The following PAIP2 variants were observed in gnomAD, a reference collection of about 807,000 sequenced individuals.
The protein encoded by PAIP2 is polyadenylate-binding protein-interacting protein 2.
A neutral mutation model predicts 14.8 loss-of-function variants in PAIP2; 7 were observed. The observed-to-expected ratio is 0.47, with a 90% CI of 0.27 to 0.89. PAIP2 has a LOEUF of 0.89. Among genes scored for constraint, PAIP2 ranks in the 40% least tolerant of loss-of-function variants. The pLI, the probability that PAIP2 is intolerant of heterozygous loss-of-function variation, is 0.13. For synonymous variants in PAIP2, 47 were observed against 45.3 expected, an observed-to-expected ratio of 1.04 and a Z score of -0.15; for missense variants, 122 against 154.7, an observed-to-expected ratio of 0.79 and a Z score of 1.12.
intron 3 of PAIP2, among the ~76,000 whole-genome samples, chr5:139,365,773 C>T (rs966288623): frequency 6.6e-6 from 1 of 152,200 alleles, no homozygotes; most frequent in African/African-American, 2.4e-5. Context: ...AGACGGACTT[C>T]TAGCCCCTGC....
intron 1 of PAIP2, among the ~76,000 whole-genome samples, chr5:139,345,747 C>T (rs1020061584): frequency 1.3e-5 from 2 of 151,746 alleles, no homozygotes; most frequent in Non-Finnish European, 2.9e-5. Flanking sequence ...CTTGCCTCAG[C>T]CTCCTGAGTA....
chr5:139,351,594 A>G (rs911280028), intron 1 of PAIP2, among the ~76,000 whole-genome samples: 3 of 152,222 alleles, frequency 2.0e-5, no homozygotes, highest in African/African-American at 7.2e-5. Flanking sequence ...ATAGGATCGG[A>G]GAGGGAAAAA....
chr5:139,345,064 G>A (rs992462764), intron 1 of PAIP2, among the ~76,000 whole-genome samples: 1 of 151,834 alleles, frequency 6.6e-6, no homozygotes, highest in African/African-American at 2.4e-5. Context: ...TGTTGTTTTT[G>A]AAACGGAGTC....
intron 3 of PAIP2, among the ~76,000 whole-genome samples, chr5:139,366,044 A>G (rs1460682599): frequency 6.6e-6 from 1 of 151,962 alleles, no homozygotes; most frequent in East Asian, 1.9e-4. Context: ...TACTAAAAGT[A>G]TACAGAAAAT....
chr5:139,362,700 G>A (rs1253286900), intron 1 of PAIP2, among the ~76,000 whole-genome samples: 3 of 151,566 alleles, frequency 2.0e-5, no homozygotes, highest in African/African-American at 7.3e-5. Context: ...ATGAGCCACC[G>A]CGCCTGGCCT....
At chr5:139,359,160 A>G (rs1452572119) in intron 1 of PAIP2, among the ~76,000 whole-genome samples, 1 of 151,694 alleles carries the variant, frequency 6.6e-6, no homozygotes, top group Non-Finnish European at 1.5e-5. Flanking sequence ...TTTGAGACAG[A>G]GTCTTACTCT....
In PAIP2 at chr5:139,368,872, T is replaced by G. The variant is rs1393717022; in HGVS notation, c.*74T>G. 9.0e-7 allele frequency: 1 copy of G among 1,112,650 alleles called. No individual in the cohort carries two copies. Among genetic ancestry groups the G allele is most frequent in the East Asian group, 2.4e-5 (1 of 42,308 alleles). 68.9% of individuals were successfully genotyped at this position (1,112,650 alleles called of 1,614,324 possible). The stretch of plus-strand genomic sequence containing the variant: ...AAGGCAGTATTAGAAGACTTAATTG[T>G]AAAAGCTCTCTTGTCACTGTGTTAC... On this transcript the variant is annotated 3_prime_UTR_variant, in exon 4 of 4. Transcript: ENST00000265192.
chr5:139,360,094 G>A (rs1382921368), intron 1 of PAIP2, among the ~76,000 whole-genome samples: 1 of 151,794 alleles, frequency 6.6e-6, no homozygotes, highest in African/African-American at 2.4e-5. Context: ...GGCCTCCCAA[G>A]TAGCTGGGAC....
chr5:139,363,632 G>A, intron 1 of PAIP2, 127 bp from the exon 2 acceptor site: 1 of 718,238 alleles, frequency 1.4e-6, no homozygotes, highest in Admixed American at 3.1e-5. Flanking sequence ...TGAGGCAAGA[G>A]ATCGAGGCTG....
chr5:139,360,214 C>T (rs1469565782), intron 1 of PAIP2, among the ~76,000 whole-genome samples: 1 of 152,052 alleles, frequency 6.6e-6, no homozygotes, highest in Non-Finnish European at 1.5e-5. Context: ...ATCTGCCCGC[C>T]TTGGCCTCCC....
intron 1 of PAIP2, among the ~76,000 whole-genome samples, chr5:139,352,985 G>T (rs1756793557): frequency 6.6e-6 from 1 of 151,812 alleles, no homozygotes. Flanking sequence ...GCGTGGTGGA[G>T]CATGCCTGTA....
intron 1 of PAIP2, among the ~76,000 whole-genome samples, chr5:139,362,214 T>TTTG (rs138469979): frequency 1.2e-3 from 176 of 151,804 alleles, no homozygotes; most frequent in African/African-American, 3.3e-3. Flanking sequence ...GTGTTTGGTT[T>TTTG]TTGTTGTTGT....
At chr5:139,360,211 C>T (rs951399428) in intron 1 of PAIP2, among the ~76,000 whole-genome samples, 17 of 151,980 alleles carry the variant, frequency 1.1e-4, no homozygotes, top group South Asian at 4.1e-4. Flanking sequence ...GTGATCTGCC[C>T]GCCTTGGCCT....
chr5:139,346,223 G>A (rs137900745), intron 1 of PAIP2, among the ~76,000 whole-genome samples: 2 of 152,208 alleles, frequency 1.3e-5, no homozygotes, highest in East Asian at 1.9e-4. Flanking sequence ...TTAAGCTGTC[G>A]TCTAGAACAG....
rs1554158330 is a variant in PAIP2, at chr5:139,369,499, C to CACT, written c.*702_*703insCTA. ...ATCCAGCTGAACAAAGATACTGTAA[C>CACT]ATGATTTGAGTGGTGCTTTTCCTTG... On this transcript the variant is annotated 3_prime_UTR_variant, in exon 4 of 4. Transcript: ENST00000265192. The CACT allele has an allele frequency of 6.6e-6, 1 of 152,600 alleles. No individual in the cohort carries two copies. The highest frequency in any genetic ancestry group is 2.4e-5 in the African/African-American group (1 of 41,430). The allele number at this position is 152,600 out of a possible 1,614,324, so 9.5% of individuals were successfully genotyped here.
intron 1 of PAIP2, among the ~76,000 whole-genome samples, chr5:139,358,088 CA>C (rs1284739172): frequency 6.6e-6 from 1 of 152,032 alleles, no homozygotes; most frequent in African/African-American, 2.4e-5. Flanking sequence ...TGCTGGTTTT[CA>C]ACAGCTGGGT....
rs150079760 is a variant in PAIP2 at position 139,351,630 on chromosome 5, A to T, written c.-27+9650A>T. Among the ~76,000 whole-genome samples the T allele has an allele frequency of 2.9e-3, 442 of 152,220 alleles. 3 individuals are homozygous for T. The highest frequency in any genetic ancestry group is 9.4e-3 in the African/African-American group (392 of 41,534). On this transcript the variant is annotated intron_variant, in intron 1 of 3. Coordinates refer to ENST00000265192, the MANE Select transcript of PAIP2 (RefSeq NM_016480.5). ...CTATATACGCTTTAGACGTTTGTAT[A>T]CCTAACTTTTTTTCTTTTTTTTTGT...
chr5:139,354,543 T>C (rs569454231), intron 1 of PAIP2, among the ~76,000 whole-genome samples: 1 of 152,180 alleles, frequency 6.6e-6, no homozygotes, highest in African/African-American at 2.4e-5. Context: ...ATACATAGAT[T>C]TGTGTCTTTT....
intron 1 of PAIP2, among the ~76,000 whole-genome samples, chr5:139,344,268 T>A (rs1180054858): frequency 6.6e-6 from 1 of 152,182 alleles, no homozygotes; most frequent in Non-Finnish European, 1.5e-5. Context: ...TGGTGCTGTG[T>A]GATTTAGTGA....
Sources: gnomAD v4.1 joint callset for allele counts (sites outside exome capture counted in the v4.1 genomes callset) on GRCh38, gnomAD v4.1.1 for gene constraint, MANE v1.5 for transcripts, NCBI Gene and HGNC (gene_info 2026-07-23, HGNC 2026-07-21) for gene names.